FOXK1: variants seen among roughly 807,000 people sequenced by gnomAD.
The protein encoded by FOXK1 is forkhead box K1.
Under a neutral mutation model 51.9 loss-of-function variants are expected in FOXK1, and 19 were observed. The ratio of observed to expected loss-of-function variants is 0.37; its 90% CI spans 0.26 to 0.54. FOXK1 has a LOEUF of 0.54. Among genes scored for constraint, FOXK1 ranks in the 20% least tolerant of loss-of-function variants. The pLI is 0.87. For missense variants in FOXK1, 870 were observed against 1,032.7 expected, an observed-to-expected ratio of 0.84 and a Z score of 2.16; for synonymous variants, 537 against 482.6, an observed-to-expected ratio of 1.11 and a Z score of -1.48.
intron 1 of FOXK1, among the ~76,000 whole-genome samples, chr7:4,716,672 G>A (rs563608727): frequency 3.3e-5 from 5 of 152,316 alleles, no homozygotes; most frequent in South Asian, 4.1e-4. Context: ...TCTTGGAAGC[G>A]GGTGAGTACA....
At chr7:4,706,001 TACGTATATATAC>T (rs1780092392) in intron 1 of FOXK1, among the ~76,000 whole-genome samples, 1 of 102,952 alleles carries the variant, frequency 9.7e-6, no homozygotes, top group Non-Finnish European at 1.8e-5. Context: ...TACGTATATA[TACGTATATATAC>T]GTATATATAC....
In FOXK1 at chr7:4,748,839, C is replaced by T. The variant is rs947688314; in HGVS notation, c.747-5620C>T. 1.2e-4 allele frequency among the ~76,000 whole-genome samples: 18 copies of T among 152,214 alleles called. No individual in the cohort carries two copies. The highest frequency in any genetic ancestry group is 2.2e-4 in the Non-Finnish European group (15 of 68,010). ...GACTACAGGTGTGCACCACCATGCC[C>T]GGCTAATTTTTGTATTTTTTGTAGA... On this transcript the variant is annotated intron_variant, in intron 2 of 8. Coordinates refer to ENST00000328914, the MANE Select transcript of FOXK1 (RefSeq NM_001037165.2). This position sits in a 1 kb window ranked among gnomAD's most constrained non-coding sequence, Gnocchi z 4.9.
intron 1 of FOXK1, among the ~76,000 whole-genome samples, chr7:4,704,575 T>G (rs1780059008): frequency 6.6e-6 from 1 of 152,066 alleles, no homozygotes; most frequent in South Asian, 2.1e-4. Flanking sequence ...AATAAATGTT[T>G]TCCCTATTTC....
At position 4,715,632 on chromosome 7, in the gene FOXK1, T is replaced by C. The variant is rs1780224150; in HGVS notation, c.561-25206T>C. On this transcript the variant is annotated intron_variant, in intron 1 of 8. Transcript: ENST00000328914. This position sits in a 1 kb window ranked among gnomAD's most constrained non-coding sequence, Gnocchi z 4.5. ...GTGAAATACGGAACTTGGCGAGTTC[T>C]TGCGGCCATCCCTTTTGTTCCCTGC... Among the ~76,000 whole-genome samples the C allele has an allele frequency of 6.6e-6, 1 of 152,234 alleles. No homozygotes were observed. Among genetic ancestry groups the C allele is most frequent in the Non-Finnish European group, 1.5e-5 (1 of 68,042 alleles).
chr7:4,743,050 C>T lies in FOXK1; in HGVS notation c.746+2027C>T, dbSNP rs377159053. 4.6e-5 allele frequency among the ~76,000 whole-genome samples: 7 copies of T among 152,164 alleles called. No individual in the cohort carries two copies. Among genetic ancestry groups the T allele is most frequent in the Non-Finnish European group, 8.8e-5 (6 of 68,044 alleles). On this transcript the variant is annotated intron_variant, in intron 2 of 8. Coordinates refer to ENST00000328914, the MANE Select transcript of FOXK1 (RefSeq NM_001037165.2). The surrounding 1 kb of genome is among the most constrained non-coding windows in gnomAD (Gnocchi z 5.3). ...CCCCCACCTTCCCGGGCCCGGTTCC[C>T]GTCTGAGTCAGTGCTGTGACGTCAT... is the stretch of plus-strand genomic sequence containing the variant.
chr7:4,725,147 C>G (rs1013438796), intron 1 of FOXK1, among the ~76,000 whole-genome samples: 6 of 152,260 alleles, frequency 3.9e-5, no homozygotes, highest in Non-Finnish European at 8.8e-5. Flanking sequence ...CTCGCAGTTC[C>G]TGCAGGCGCG....
rs1277326742 is a variant in FOXK1, at chr7:4,722,471, C to T, written c.561-18367C>T. On this transcript the variant is annotated intron_variant, in intron 1 of 8. Coordinates refer to ENST00000328914, the MANE Select transcript of FOXK1 (RefSeq NM_001037165.2). The surrounding 1 kb of genome is among the most constrained non-coding windows in gnomAD (Gnocchi z 5.1). ...AAGTGGCAGCGGTGCCGGACATACA[C>T]GGCAGGGCAGTGGGCTGCTCAGCAC... 1.3e-5 allele frequency among the ~76,000 whole-genome samples: 2 copies of T among 152,332 alleles called. No homozygotes were observed. The highest frequency in any genetic ancestry group is 2.1e-4 in the South Asian group (1 of 4,828).
chr7:4,741,118 T>A, intron 2 of FOXK1, 95 bp downstream of exon 2: 1 of 899,028 alleles, frequency 1.1e-6, no homozygotes, highest in Non-Finnish European at 1.6e-6. Context: ...CAAATCTCTC[T>A]GGAAAGTTGC....
Position 4,682,847 on chromosome 7 carries a change from C to T in FOXK1, c.539C>T (p.Pro180Leu). The T allele has an allele frequency of 1.9e-6, 3 of 1,558,758 alleles. No individual in the cohort carries two copies. The highest frequency in any genetic ancestry group is 2.6e-6 in the Non-Finnish European group (3 of 1,158,166). The stretch of plus-strand genomic sequence containing the variant: ...GGGGCCTTCCAGAGACGCGGCGCGC[C>T]CGCCCTGCAGCTGCCCAAGCAGTGA... ...VDGAFQRRGA[P>L]ALQLPKQCTF... is the part of the protein sequence containing the mutation. The change falls in exon 1 of 9, where the codon CCC (proline) becomes CTC (leucine). Residue 180 changes from proline to leucine, a missense_variant. Around this residue, in one of 3 missense-constraint regions of FOXK1, gnomAD observed 399 missense variants for 475.6 expected, o/e 0.84. Transcript: ENST00000328914. This position sits in a 1 kb window ranked among gnomAD's most constrained non-coding sequence, Gnocchi z 7.6.
chr7:4,716,810 A>G (rs1477669255), intron 1 of FOXK1, among the ~76,000 whole-genome samples: 1 of 152,246 alleles, frequency 6.6e-6, no homozygotes, highest in African/African-American at 2.4e-5. Flanking sequence ...ACAGATGTCT[A>G]CAAGTTTTCA....
chr7:4,721,639 G>A (rs1195412559), intron 1 of FOXK1, among the ~76,000 whole-genome samples: 2 of 133,090 alleles, frequency 1.5e-5, no homozygotes, highest in East Asian at 2.1e-4. Context: ...CACCCAGGCT[G>A]GAGTGCAGTG....
Position 4,732,113 on chromosome 7 carries a change from G to A in FOXK1, c.561-8725G>A, listed in dbSNP as rs1405700193. ...GGGCTTCTGCTACATTTATCAAGCT[G>A]TTGTAAACGTTTCCATATTCCCCCA... On this transcript the variant is annotated intron_variant, in intron 1 of 8. Coordinates refer to ENST00000328914, the MANE Select transcript of FOXK1 (RefSeq NM_001037165.2). Among the ~76,000 whole-genome samples, 6 of 152,344 alleles carry A rather than the reference G, an allele frequency of 3.9e-5. No individual in the cohort carries two copies. In the East Asian group the frequency reaches 9.7e-4, roughly 25 times the overall value.
intron 1 of FOXK1, among the ~76,000 whole-genome samples, chr7:4,739,828 T>C (rs1478106847): frequency 6.6e-6 from 1 of 152,226 alleles, no homozygotes; most frequent in Non-Finnish European, 1.5e-5. Context: ...GTTGCCGTGC[T>C]ATTTCAGTCT....
At chr7:4,688,979 CT>C (rs565201321) in intron 1 of FOXK1, among the ~76,000 whole-genome samples, 1,611 of 141,780 alleles carry the variant, frequency 0.011, 10 homozygotes, top group Non-Finnish European at 0.018. Flanking sequence ...CTCACCTGCA[CT>C]TTTTTTTTTT....
At position 4,707,930 on chromosome 7, in the gene FOXK1, T is replaced by G. The variant is rs1583188526; in HGVS notation, c.560+25062T>G. Among the ~76,000 whole-genome samples the G allele has an allele frequency of 6.6e-6, 1 of 152,036 alleles. No homozygotes were observed. The highest frequency in any genetic ancestry group is 2.1e-4 in the South Asian group (1 of 4,820). On this transcript the variant is annotated intron_variant, in intron 1 of 8. Transcript: ENST00000328914. This position sits in a 1 kb window ranked among gnomAD's most constrained non-coding sequence, Gnocchi z 4.1. ...AACTCCTGCCCCAAGTGATCCACCC[T>G]CCTCAGCCTCCCAAAGTGCTGGGAT...
chr7:4,764,375 C>T lies in FOXK1; in HGVS notation c.*1911C>T, dbSNP rs558219222. ...GGGAAATAAGCTCTTTGTGGAAGTC[C>T]GTACCTGTTGCCCTGGGTGAGGTTT... On this transcript the variant is annotated 3_prime_UTR_variant, in exon 9 of 9. Transcript: ENST00000328914. The T allele has an allele frequency of 2.1e-4, 32 of 154,560 alleles. No homozygotes were observed. In the South Asian group the frequency reaches 4.7e-3, roughly 23 times the overall value. 9.6% of individuals were successfully genotyped at this position (154,560 alleles called of 1,614,324 possible). A position where few individuals can be genotyped will look rare whatever the true frequency, so the allele number is the denominator to read the frequency against.
At chr7:4,684,321 T>G (rs1779791964) in intron 1 of FOXK1, among the ~76,000 whole-genome samples, 1 of 152,252 alleles carries the variant, frequency 6.6e-6, no homozygotes, top group Admixed American at 6.5e-5. Flanking sequence ...GAATTTTTGC[T>G]GGGGTAATTC....
chr7:4,719,580 C>T (rs1364958276), intron 1 of FOXK1, among the ~76,000 whole-genome samples: 3 of 152,166 alleles, frequency 2.0e-5, no homozygotes, highest in Admixed American at 2.0e-4. Context: ...CTCCTGGGTT[C>T]AAGCAATTCT....
At chr7:4,754,867 T>G (rs1583210889) in intron 3 of FOXK1, 3 of 595,892 alleles carry the variant, frequency 5.0e-6, no homozygotes, top group Non-Finnish European at 8.8e-6. Flanking sequence ...GCCACGCTCC[T>G]TGTTCATCTG....
Sources: allele counts gnomAD v4.1 joint callset (sites outside exome capture counted in the v4.1 genomes callset), GRCh38; gene constraint gnomAD v4.1.1; regional missense constraint gnomAD v4.1.1; non-coding constraint Gnocchi (gnomAD v3.1); transcripts MANE v1.5; gene names NCBI Gene and HGNC (gene_info 2026-07-23, HGNC 2026-07-21).